ALK: variants seen among roughly 807,000 people sequenced by gnomAD.
ALK encodes the protein ALK receptor tyrosine kinase.
ALK carries 74 observed loss-of-function variants against 163.1 expected under a neutral mutation model. The observed-to-expected ratio is 0.45, with a 90% CI of 0.38 to 0.55. The LOEUF (loss-of-function observed/expected upper bound fraction) is 0.55, where lower values mean the gene tolerates loss of function less well. ALK is among the 20% of genes least tolerant of loss of function. The probability of loss-of-function intolerance (pLI) is 0.00; values close to 1 mark genes in which losing one functional copy is unlikely to be tolerated. For synonymous variants in ALK, 960 were observed against 843.2 expected (o/e 1.14, Z -2.40); for missense variants, 2,063 against 2,105.3 (o/e 0.98, Z 0.39).
In ALK at chr2:29,695,017, G is replaced by A. The variant is rs777611513; in HGVS notation, c.788-3C>T. On this transcript the variant is annotated splice_region_variant and splice_polypyrimidine_tract_variant and intron_variant, in intron 2 of 28. Coordinates refer to ENST00000389048, the MANE Select transcript of ALK (RefSeq NM_004304.5). ...GAAGTCAAAGCTGCACTCCAGACCTGCAATAATAGCCAAGGGTCAATGGAA... is the reference window on the plus strand; with the variant it reads ...GAAGTCAAAGCTGCACTCCAGACCTACAATAATAGCCAAGGGTCAATGGAA... 1.2e-6 allele frequency: 2 copies of A among 1,614,004 alleles called. No individual in the cohort carries two copies. Among genetic ancestry groups the A allele is most frequent in the South Asian group, 2.2e-5 (2 of 91,080 alleles).
At chr2:29,682,070 C>A (rs1364860933) in intron 3 of ALK, among the ~76,000 whole-genome samples, 1 of 152,148 alleles carries the variant, frequency 6.6e-6, no homozygotes, top group Non-Finnish European at 1.5e-5. Flanking sequence ...GTAGGGCCAG[C>A]CCATTTAGTC....
At chr2:29,212,924 C>T (rs868268385) in intron 24 of ALK, among the ~76,000 whole-genome samples, 4 of 152,174 alleles carry the variant, frequency 2.6e-5, no homozygotes, top group East Asian at 3.9e-4. Flanking sequence ...AGGCTGGTCT[C>T]GAACTCCCAA....
At position 29,233,586 on chromosome 2, in the gene ALK, AC is replaced by A. The variant is rs1558630501; in HGVS notation, c.2465del (p.Gly822ValfsTer9). 6.2e-7 allele frequency: 1 copy of A among 1,613,898 alleles called. No individual in the cohort carries two copies. Among genetic ancestry groups the A allele is most frequent in the Non-Finnish European group, 8.5e-7 (1 of 1,179,974 alleles). On this transcript the variant is annotated frameshift_variant, in exon 14 of 29. Coordinates refer to ENST00000389048, the MANE Select transcript of ALK (RefSeq NM_004304.5). LOFTEE classifies it high-confidence loss of function. ...HEWAGGGGGG[G>X]GATYVFKMKD... The stretch of plus-strand genomic sequence containing the variant: ...ATACCTTAAATACGTAGGTGGCTCC[AC>A]CCCCTCCTCCTCCGCCTCCTGCCCA...
intron 9 of ALK, among the ~76,000 whole-genome samples, chr2:29,285,150 C>G (rs930503750): frequency 6.6e-6 from 1 of 152,226 alleles, no homozygotes; most frequent in Non-Finnish European, 1.5e-5. Context: ...GAGCTTCACA[C>G]TGAGGCTCCA....
chr2:29,771,819 C>A (rs1395047530), intron 1 of ALK, among the ~76,000 whole-genome samples: 1 of 151,922 alleles, frequency 6.6e-6, no homozygotes, highest in Non-Finnish European at 1.5e-5. Context: ...CAGGCATGAG[C>A]CACTGCGCCC....
chr2:29,733,584 T>C (rs918709642), intron 1 of ALK, among the ~76,000 whole-genome samples: 1 of 152,206 alleles, frequency 6.6e-6, no homozygotes, highest in Non-Finnish European at 1.5e-5. Context: ...GAAGATGCCA[T>C]AAGAGAGTGC....
At chr2:29,868,179 G>T (rs1464945737) in intron 1 of ALK, among the ~76,000 whole-genome samples, 1 of 152,156 alleles carries the variant, frequency 6.6e-6, no homozygotes, top group East Asian at 1.9e-4. Flanking sequence ...GAGAGAAGAT[G>T]GTCTGGTTTT....
intron 11 of ALK, among the ~76,000 whole-genome samples, chr2:29,251,935 A>G (rs1664825812): frequency 6.6e-6 from 1 of 152,238 alleles, no homozygotes; most frequent in Admixed American, 6.5e-5. Flanking sequence ...ACCTGCAGCA[A>G]GGCAGGGCTC....
intron 11 of ALK, among the ~76,000 whole-genome samples, chr2:29,267,466 C>A (rs916893885): frequency 6.6e-6 from 1 of 152,170 alleles, no homozygotes; most frequent in African/African-American, 2.4e-5. Flanking sequence ...CACCCCAAAT[C>A]CCCTGCTGCA....
chr2:29,483,551 C>T (rs1671715101), intron 4 of ALK, among the ~76,000 whole-genome samples: 1 of 152,074 alleles, frequency 6.6e-6, no homozygotes, highest in Admixed American at 6.6e-5. Context: ...TTTGAAAAGC[C>T]CCAAGACAGT....
intron 1 of ALK, among the ~76,000 whole-genome samples, chr2:29,848,803 G>T (rs1191139144): frequency 1.3e-5 from 2 of 152,164 alleles, no homozygotes; most frequent in Non-Finnish European, 2.9e-5. Context: ...GAGACCGGCT[G>T]GGGAGGAAAG....
chr2:29,228,805 G>A lies in ALK; in HGVS notation c.2815+79C>T, dbSNP rs1476522980. 6.2e-6 allele frequency: 6 copies of A among 972,242 alleles called. No homozygotes were observed. The South Asian group carries it at 7.9e-5, about 13-fold the overall frequency. The allele number at this position is 972,242 out of a possible 1,614,324, so 60.2% of individuals were successfully genotyped here. On this transcript the variant is annotated intron_variant, in intron 16 of 28. Transcript: ENST00000389048. ...CACTTGGGCAGGCCAGGGGAGGGCA[G>A]GGGAGGGCAGGGCAGGGAGGTGAGG...
At chr2:29,369,067 C>G (rs1193501160) in intron 5 of ALK, among the ~76,000 whole-genome samples, 1 of 152,194 alleles carries the variant, frequency 6.6e-6, no homozygotes, top group Admixed American at 6.5e-5. Context: ...CAGTGTCTTC[C>G]CATGCAGAGA....
chr2:29,350,960 G>A (rs1220566990), intron 5 of ALK, among the ~76,000 whole-genome samples: 1 of 152,156 alleles, frequency 6.6e-6, no homozygotes, highest in African/African-American at 2.4e-5. Context: ...AGATTATTTT[G>A]TGGGAATAAG....
rs181030802 is a variant in ALK at position 29,400,308 on chromosome 2, G to A, written c.1155-16449C>T. On this transcript the variant is annotated intron_variant, in intron 4 of 28. Coordinates refer to ENST00000389048, the MANE Select transcript of ALK (RefSeq NM_004304.5). Reference sequence around the variant, plus strand: ...TATAAGAAGCCATGTTAATAGTACCGCAGGTAATCATTTTGAATATCCTGG... The same window carrying A: ...TATAAGAAGCCATGTTAATAGTACCACAGGTAATCATTTTGAATATCCTGG... Among the ~76,000 whole-genome samples the A allele has an allele frequency of 1.0e-3, 156 of 152,158 alleles. 1 individual carries two copies. Among genetic ancestry groups the A allele is most frequent in the Middle Eastern group, 3.4e-3 (1 of 294 alleles).
At chr2:29,765,504 G>T (rs1256267083) in intron 1 of ALK, among the ~76,000 whole-genome samples, 1 of 151,930 alleles carries the variant, frequency 6.6e-6, no homozygotes, top group Non-Finnish European at 1.5e-5. Context: ...CAGAAACAGG[G>T]TCCCACTACG....
intron 1 of ALK, among the ~76,000 whole-genome samples, chr2:29,778,637 GGCT>G (rs1681245505): frequency 6.6e-6 from 1 of 152,250 alleles, no homozygotes; most frequent in East Asian, 1.9e-4. Flanking sequence ...TCTGTGCAGT[GGCT>G]GCTATCTGCT....
chr2:29,599,948 C>T (rs937087852), intron 3 of ALK, among the ~76,000 whole-genome samples: 4 of 152,160 alleles, frequency 2.6e-5, no homozygotes, highest in Non-Finnish European at 4.4e-5. Context: ...GTTCCCACCC[C>T]TACCATCTCC....
At chr2:29,350,722 T>C (rs1324868759) in intron 5 of ALK, among the ~76,000 whole-genome samples, 2 of 152,218 alleles carry the variant, frequency 1.3e-5, no homozygotes, top group East Asian at 3.8e-4. Flanking sequence ...CCACTGTTTG[T>C]CATTTTATCC....
Sources: gnomAD v4.1 joint callset for allele counts (sites outside exome capture counted in the v4.1 genomes callset) on GRCh38, gnomAD v4.1.1 for gene constraint, MANE v1.5 for transcripts, NCBI Gene and HGNC (gene_info 2026-07-23, HGNC 2026-07-21) for gene names.